Variants in FER observed in about 807,000 individuals in gnomAD.
The protein encoded by FER is tyrosine-protein kinase Fer.
FER carries 63 observed loss-of-function variants against 111.0 expected under a neutral mutation model. The observed-to-expected ratio is 0.57, with a 90% CI of 0.46 to 0.70. FER has a LOEUF of 0.70. FER is among the 30% of genes least tolerant of loss of function. The pLI is 0.00. For missense variants in FER, 914 were observed against 954.0 expected, an observed-to-expected ratio of 0.96 and a Z score of 0.55; for synonymous variants, 327 against 313.9, an observed-to-expected ratio of 1.04 and a Z score of -0.44.
At chr5:108,966,877 T>A (rs755247109) in intron 13 of FER, among the ~76,000 whole-genome samples, 8 of 152,052 alleles carry the variant, frequency 5.3e-5, no homozygotes, top group Non-Finnish European at 4.4e-5. Flanking sequence ...ACAGTAACAT[T>A]GAACAAACAT....
chr5:109,180,944 G>C, intron 18 of FER, 43 bp downstream of exon 18: 1 of 1,520,318 alleles, frequency 6.6e-7, no homozygotes. Context: ...AAAAATGAAC[G>C]GCATCAGCAT....
intron 16 of FER, among the ~76,000 whole-genome samples, chr5:109,075,514 C>T (rs1198636905): frequency 6.6e-6 from 1 of 151,330 alleles, no homozygotes; most frequent in Non-Finnish European, 1.5e-5. Flanking sequence ...AGCTCCGCCT[C>T]CCAGGTTCAC....
chr5:109,095,716 T>C (rs1357654189), intron 16 of FER, among the ~76,000 whole-genome samples: 1 of 152,082 alleles, frequency 6.6e-6, no homozygotes, highest in Non-Finnish European at 1.5e-5. Context: ...GCCATAATTC[T>C]CATCACTGCT....
intron 16 of FER, among the ~76,000 whole-genome samples, chr5:109,080,046 TCCTCC>T (rs1776810393): frequency 1.3e-5 from 2 of 152,004 alleles, no homozygotes; most frequent in South Asian, 4.2e-4. Flanking sequence ...AATACATTTT[TCCTCC>T]CATGGTTAAA....
At chr5:109,046,234 A>G (rs549007906) in intron 15 of FER, among the ~76,000 whole-genome samples, 1 of 152,318 alleles carries the variant, frequency 6.6e-6, no homozygotes, top group Admixed American at 6.5e-5. Context: ...GACCCTGATC[A>G]AGAAAGTATT....
Position 108,785,555 on chromosome 5 carries a change from A to G in FER, c.-59-12569A>G, listed in dbSNP as rs893075803. The G allele has an allele frequency of 1.4e-5, 7 of 517,532 alleles. No individual in the cohort carries two copies. The African/African-American group carries it at 1.4e-4, about 10-fold the overall frequency. 32.1% of individuals were successfully genotyped at this position (517,532 alleles called of 1,614,324 possible). A position where few individuals can be genotyped will look rare whatever the true frequency, so the allele number is the denominator to read the frequency against. ...GCAGGTGACATGGGCACCTGCTAGAAGTTTATGGCAGAGCTTTAGAAATTA... is the reference window on the plus strand; with the variant it reads ...GCAGGTGACATGGGCACCTGCTAGAGGTTTATGGCAGAGCTTTAGAAATTA... On this transcript the variant is annotated intron_variant, in intron 2 of 19. Coordinates refer to ENST00000281092, the MANE Select transcript of FER (RefSeq NM_005246.4).
chr5:109,151,035 A>G (rs1291865387), intron 17 of FER, among the ~76,000 whole-genome samples: 2 of 152,272 alleles, frequency 1.3e-5, no homozygotes, highest in East Asian at 3.9e-4. Context: ...ATCTTTGGCT[A>G]GTTTCTTTTC....
chr5:108,945,040 T>C (rs914386836), intron 10 of FER, among the ~76,000 whole-genome samples: 2 of 152,142 alleles, frequency 1.3e-5, no homozygotes, highest in Admixed American at 6.6e-5. Flanking sequence ...TACCAAAGGG[T>C]TTTGGGAGAA....
chr5:108,783,120 T>A (rs2150000634), intron 2 of FER, among the ~76,000 whole-genome samples: 1 of 152,294 alleles, frequency 6.6e-6, no homozygotes, highest in East Asian at 1.9e-4. Flanking sequence ...TTTGTTGTTG[T>A]CCCACAGGTC....
chr5:109,145,016 T>G (rs1041535061), intron 17 of FER, among the ~76,000 whole-genome samples: 1 of 151,968 alleles, frequency 6.6e-6, no homozygotes, highest in Non-Finnish European at 1.5e-5. Flanking sequence ...CTGACCAGGA[T>G]TGTTTCATTT....
rs866783332 is a variant in FER, at chr5:108,845,023, T to C, written c.481+9216T>C. On this transcript the variant is annotated intron_variant, in intron 5 of 19. Coordinates refer to ENST00000281092, the MANE Select transcript of FER (RefSeq NM_005246.4). ...ATATATATATATATATATATATATA[T>C]ATATATATATATATATACATATATA... 1.6e-3 allele frequency among the ~76,000 whole-genome samples: 86 copies of C among 53,102 alleles called. 2 individuals are homozygous for C. Among genetic ancestry groups the C allele is most frequent in the Middle Eastern group, 0.013 (1 of 80 alleles). 34.8% of individuals were successfully genotyped at this position (53,102 alleles called of 152,430 possible).
chr5:109,035,364 C>T (rs535401981), intron 13 of FER, among the ~76,000 whole-genome samples: 32 of 152,228 alleles, frequency 2.1e-4, no homozygotes, highest in African/African-American at 7.5e-4. Flanking sequence ...TTGTCCTTCT[C>T]TAGAATTTTA....
intron 13 of FER, among the ~76,000 whole-genome samples, chr5:109,000,548 G>A (rs1477479411): frequency 6.6e-6 from 1 of 151,922 alleles, no homozygotes; most frequent in Non-Finnish European, 1.5e-5. Flanking sequence ...ACAAGAGAAA[G>A]CAGGAAAGAT....
At chr5:109,031,068 C>CT (rs1277965780) in intron 13 of FER, among the ~76,000 whole-genome samples, 1 of 152,020 alleles carries the variant, frequency 6.6e-6, no homozygotes, top group Non-Finnish European at 1.5e-5. Flanking sequence ...CCCTTAGCTG[C>CT]TTATTGTTAG....
At chr5:108,925,592 T>C (rs1753625934) in intron 10 of FER, among the ~76,000 whole-genome samples, 1 of 152,148 alleles carries the variant, frequency 6.6e-6, no homozygotes, top group Admixed American at 6.5e-5. Flanking sequence ...TTTTAGGCTT[T>C]CTTTTTTCAG....
chr5:109,174,286 C>T (rs1226903046), intron 17 of FER, among the ~76,000 whole-genome samples: 1 of 152,042 alleles, frequency 6.6e-6, no homozygotes, highest in African/African-American at 2.4e-5. Context: ...GTATTCTGTT[C>T]AAAGGAAATA....
chr5:109,108,700 C>T (rs1244780818), intron 17 of FER, among the ~76,000 whole-genome samples: 2 of 152,088 alleles, frequency 1.3e-5, no homozygotes, highest in African/African-American at 4.8e-5. Flanking sequence ...TCAAGTCAAA[C>T]CTGATTTATG....
intron 9 of FER, among the ~76,000 whole-genome samples, chr5:108,886,250 G>A (rs1290733963): frequency 1.3e-5 from 2 of 151,546 alleles, no homozygotes; most frequent in African/African-American, 4.8e-5. Flanking sequence ...CATAATGGGT[G>A]TATAATCCAT....
chr5:108,848,939 T>A (rs915542525), intron 5 of FER, among the ~76,000 whole-genome samples: 11 of 152,122 alleles, frequency 7.2e-5, no homozygotes, highest in Non-Finnish European at 1.5e-4. Flanking sequence ...GTATAGAATT[T>A]TTTTTTAAAC....
Sources: allele counts gnomAD v4.1 joint callset (sites outside exome capture counted in the v4.1 genomes callset), GRCh38; gene constraint gnomAD v4.1.1; transcripts MANE v1.5; gene names NCBI Gene and HGNC (gene_info 2026-07-23, HGNC 2026-07-21).